RYR2: variants seen among roughly 807,000 people sequenced by gnomAD.
RYR2 encodes the protein ryanodine receptor 2, also known as cardiac muscle ryanodine receptor-calcium release channel.
RYR2 carries 227 observed loss-of-function variants against 601.1 expected under a neutral mutation model. That is an observed-to-expected ratio of 0.38 (90% confidence interval 0.34 to 0.42). The LOEUF (loss-of-function observed/expected upper bound fraction) is 0.42, where lower values mean the gene tolerates loss of function less well. RYR2 is among the 10% of genes least tolerant of loss of function. The probability of loss-of-function intolerance (pLI) is 1.00; values close to 1 mark genes in which losing one functional copy is unlikely to be tolerated. For missense variants in RYR2, 4,646 were observed against 6,156.5 expected, an observed-to-expected ratio of 0.75 and a Z score of 8.21; for synonymous variants, 2,223 against 2,175.1, an observed-to-expected ratio of 1.02 and a Z score of -0.61.
intron 33 of RYR2, among the ~76,000 whole-genome samples, chr1:237,594,826 C>T (rs1013828055): frequency 1.4e-5 from 2 of 140,998 alleles, no homozygotes; most frequent in African/African-American, 2.7e-5. Context: ...TTGTTACCAT[C>T]TCTAGTAAAA....
intron 1 of RYR2, among the ~76,000 whole-genome samples, chr1:237,049,015 G>A (rs1460107591): frequency 6.6e-6 from 1 of 152,190 alleles, no homozygotes. Context: ...GTGTTGGTGG[G>A]TGAAATTCTG....
At chr1:237,091,997 T>C (rs1667008027) in intron 1 of RYR2, among the ~76,000 whole-genome samples, 1 of 152,234 alleles carries the variant, frequency 6.6e-6, no homozygotes, top group Non-Finnish European at 1.5e-5. Flanking sequence ...GATAGCCATA[T>C]GTTCATTATT....
intron 81 of RYR2, 21 bp downstream of exon 81, chr1:237,756,408 C>G: frequency 2.0e-6 from 3 of 1,488,904 alleles, no homozygotes; most frequent in Non-Finnish European, 2.8e-6. Flanking sequence ...TTGAGTTCCC[C>G]TCACGAGTGT....
At chr1:237,617,693 G>A (rs912244118) in intron 38 of RYR2, among the ~76,000 whole-genome samples, 39 of 152,154 alleles carry the variant, frequency 2.6e-4, no homozygotes, top group African/African-American at 9.4e-4. Flanking sequence ...AAGATATCAG[G>A]TATATCACCG....
At chr1:237,059,062 C>T (rs918575592) in intron 1 of RYR2, among the ~76,000 whole-genome samples, 4 of 152,012 alleles carry the variant, frequency 2.6e-5, no homozygotes, top group African/African-American at 9.7e-5. Flanking sequence ...AAACAAGGAC[C>T]TGAACGTCAG....
At position 237,380,422 on chromosome 1, in the gene RYR2, A is replaced by ATATT. The variant is rs1214802373; in HGVS notation, c.576+2987_576+2988insTATT. 1.6e-3 allele frequency among the ~76,000 whole-genome samples: 75 copies of ATATT among 48,046 alleles called. 11 individuals are homozygous for ATATT. Among genetic ancestry groups the ATATT allele is most frequent in the African/African-American group, 5.9e-3 (73 of 12,434 alleles). The allele number at this position is 48,046 out of a possible 152,430, so 31.5% of individuals were successfully genotyped here. On this transcript the variant is annotated intron_variant, in intron 8 of 104. Transcript: ENST00000366574. ...TATATATATATATATATATATATAT[A>ATATT]GTAAATACGAAGTCTGGTGAGTATG...
In RYR2 at chr1:237,442,405, A is replaced by G. The variant is rs1020582348; in HGVS notation, c.1170+922A>G. Among the ~76,000 whole-genome samples, 5 of 152,284 alleles carry G rather than the reference A, an allele frequency of 3.3e-5. No homozygotes were observed. In the East Asian group the frequency reaches 5.8e-4, roughly 18 times the overall value. On this transcript the variant is annotated intron_variant, in intron 13 of 104. Transcript: ENST00000366574. ...CACATACCCTTGAATTAGAGTCAACAATTATTATAGTTAGCCAGATTTGCT... is the reference window on the plus strand; with the variant it reads ...CACATACCCTTGAATTAGAGTCAACGATTATTATAGTTAGCCAGATTTGCT...
intron 25 of RYR2, among the ~76,000 whole-genome samples, chr1:237,547,855 G>C (rs905349311): frequency 6.6e-6 from 1 of 152,082 alleles, no homozygotes; most frequent in Non-Finnish European, 1.5e-5. Flanking sequence ...GATTTTAGAT[G>C]GTTATATAGC....
intron 27 of RYR2, among the ~76,000 whole-genome samples, chr1:237,563,510 CTG>C (rs1225372044): frequency 6.7e-6 from 1 of 150,304 alleles, no homozygotes; most frequent in African/African-American, 2.4e-5. Context: ...ATGATAGTAT[CTG>C]TGAACCACAT....
At chr1:237,421,704 A>G (rs1346005497) in intron 11 of RYR2, among the ~76,000 whole-genome samples, 2 of 152,222 alleles carry the variant, frequency 1.3e-5, no homozygotes, top group African/African-American at 2.4e-5. Flanking sequence ...ATAAGATTAT[A>G]TTGAAAATCT....
At chr1:237,233,282 A>G (rs569658422) in intron 1 of RYR2, among the ~76,000 whole-genome samples, 26 of 152,330 alleles carry the variant, frequency 1.7e-4, no homozygotes, top group African/African-American at 6.3e-4. Flanking sequence ...TTATACTGCA[A>G]GAAACACATT....
At chr1:237,575,519 T>C (rs2148327093) in intron 29 of RYR2, among the ~76,000 whole-genome samples, 1 of 152,278 alleles carries the variant, frequency 6.6e-6, no homozygotes, top group Non-Finnish European at 1.5e-5. Context: ...AATAGAGGCC[T>C]GAGATCTCTC....
At chr1:237,513,357 C>G (rs2805428) in intron 24 of RYR2, among the ~76,000 whole-genome samples, 2 of 152,066 alleles carry the variant, frequency 1.3e-5, no homozygotes, top group African/African-American at 4.8e-5. Context: ...TTTTATATTA[C>G]GTACAAAACT....
intron 1 of RYR2, among the ~76,000 whole-genome samples, chr1:237,118,267 A>G (rs1670360066): frequency 6.6e-6 from 1 of 151,992 alleles, no homozygotes; most frequent in African/African-American, 2.4e-5. Flanking sequence ...GGTACACCAT[A>G]AAAAATGATA....
chr1:237,286,748 T>G, intron 2 of RYR2, among the ~76,000 whole-genome samples: 1 of 151,988 alleles, frequency 6.6e-6, no homozygotes, highest in Non-Finnish European at 1.5e-5. Context: ...TGAGTTCTTA[T>G]CCATTCTGTG....
At chr1:237,560,243 AC>A (rs779589664) in intron 27 of RYR2, among the ~76,000 whole-genome samples, 10 of 152,232 alleles carry the variant, frequency 6.6e-5, no homozygotes, top group Non-Finnish European at 1.5e-4. Flanking sequence ...TTCCTTTCAA[AC>A]TTTTTGGTCA....
At chr1:237,309,912 C>A (rs1003261586) in intron 2 of RYR2, among the ~76,000 whole-genome samples, 3 of 152,194 alleles carry the variant, frequency 2.0e-5, no homozygotes, top group African/African-American at 7.2e-5. Context: ...TGCCAGCCAG[C>A]CACTCCGAGT....
intron 80 of RYR2, among the ~76,000 whole-genome samples, chr1:237,755,300 A>G (rs1449380902): frequency 6.6e-6 from 1 of 152,042 alleles, no homozygotes; most frequent in Non-Finnish European, 1.5e-5. Context: ...TTTTGGATGG[A>G]AAGTTTATGG....
rs563417223 is a variant in RYR2 at position 237,448,679 on chromosome 1, T to A, written c.1292+3157T>A. ...GAAGCTCCGTTATTAAGTGCATACC[T>A]GTTTAGGATTTTGTTCTTTTGATGA... is the stretch of plus-strand genomic sequence containing the variant. On this transcript the variant is annotated intron_variant, in intron 14 of 104. Coordinates refer to ENST00000366574, the MANE Select transcript of RYR2 (RefSeq NM_001035.3). Among the ~76,000 whole-genome samples the A allele has an allele frequency of 4.6e-5, 7 of 152,208 alleles. No individual in the cohort carries two copies. In the South Asian group the frequency reaches 1.0e-3, roughly 23 times the overall value.
Sources: allele counts gnomAD v4.1 joint callset (sites outside exome capture counted in the v4.1 genomes callset), GRCh38; gene constraint gnomAD v4.1.1; transcripts MANE v1.5; gene names NCBI Gene and HGNC (gene_info 2026-07-23, HGNC 2026-07-21).